HYCC1: variants seen among roughly 807,000 people sequenced by gnomAD.
HYCC1 encodes hyccin.
the HYCC1 span, chr7:22,960,310 A>G: frequency 2.5e-6 from 4 of 1,613,770 alleles, no homozygotes; most frequent in Non-Finnish European, 3.4e-6. Context: ...GCATTTCTTG[A>G]TATTCGAGAG....
chr7:22,946,754 T>C, the HYCC1 span, among the ~76,000 whole-genome samples: 1 of 152,048 alleles, frequency 6.6e-6, no homozygotes, highest in East Asian at 1.9e-4. Flanking sequence ...CAGAAAATTA[T>C]TTTAGAAGGA....
chr7:22,935,557 TAAG>T, the HYCC1 span: 7 of 152,186 alleles, frequency 4.6e-5, no homozygotes, highest in Non-Finnish European at 1.0e-4. Flanking sequence ...CCTGGAGCAG[TAAG>T]AAGCACTGCT....
the HYCC1 span, chr7:22,938,106 T>C: frequency 6.6e-6 from 1 of 152,186 alleles, no homozygotes; most frequent in Non-Finnish European, 1.5e-5. Context: ...TTCCAGGAAA[T>C]CTTTGCCCAG....
chr7:22,934,120 A>T, the HYCC1 span: 2 of 151,690 alleles, frequency 1.3e-5, no homozygotes, highest in Non-Finnish European at 2.9e-5. Flanking sequence ...GGGTTGTGAA[A>T]TAACATTTTT....
chr7:22,964,754 A>G, the HYCC1 span, among the ~76,000 whole-genome samples: 97,174 of 151,952 alleles, frequency 0.64, 31,058 homozygotes, highest in South Asian at 0.69. Context: ...CACAGAGTAA[A>G]TGAACCAGAT....
the HYCC1 span, among the ~76,000 whole-genome samples, chr7:22,925,285 C>G: frequency 6.6e-6 from 1 of 152,196 alleles, no homozygotes; most frequent in Non-Finnish European, 1.5e-5. Flanking sequence ...CTCTCCTCCT[C>G]CAAAGGAACG....
chr7:22,937,114 C>A, the HYCC1 span: 1 of 152,166 alleles, frequency 6.6e-6, no homozygotes, highest in Non-Finnish European at 1.5e-5. Flanking sequence ...CAGAGGGTTT[C>A]ATTTCAAGGG....
chr7:22,932,024 T>C, the HYCC1 span, among the ~76,000 whole-genome samples: 1 of 152,166 alleles, frequency 6.6e-6, no homozygotes, highest in African/African-American at 2.4e-5. Flanking sequence ...CCTATCTAGA[T>C]AGCAAAAGAT....
chr7:22,946,622 T>TA, the HYCC1 span, among the ~76,000 whole-genome samples: 12 of 151,984 alleles, frequency 7.9e-5, no homozygotes, highest in Admixed American at 1.3e-4. Flanking sequence ...TTTATCAAAT[T>TA]AAAAAAATCT....
chr7:22,960,464 A>C, the HYCC1 span: 6 of 1,437,296 alleles, frequency 4.2e-6, no homozygotes, highest in African/African-American at 8.4e-5. Flanking sequence ...GATAGAGCAG[A>C]TATATTATCT....
At chr7:22,946,304 G>A in the HYCC1 span, 7 of 674,224 alleles carry the variant, frequency 1.0e-5, no homozygotes, top group South Asian at 6.2e-5. Context: ...GAAAATCAAA[G>A]GATAAATCAA....
the HYCC1 span, among the ~76,000 whole-genome samples, chr7:22,954,992 A>G: frequency 1.3e-5 from 2 of 151,524 alleles, no homozygotes; most frequent in Non-Finnish European, 3.0e-5. Context: ...CTATTTTTAT[A>G]TTAACTTGGG....
chr7:23,006,457 T>C, the HYCC1 span, among the ~76,000 whole-genome samples: 6 of 152,044 alleles, frequency 3.9e-5, no homozygotes, highest in Admixed American at 6.5e-5. Flanking sequence ...TTAGTAGAGA[T>C]GGGGTTTCAC....
chr7:23,011,928 T>C, the HYCC1 span, among the ~76,000 whole-genome samples: 1 of 152,188 alleles, frequency 6.6e-6, no homozygotes, highest in East Asian at 1.9e-4. Context: ...TCTCCTACTC[T>C]AAACTCTCCT....
chr7:22,976,343 A>G, the HYCC1 span: 2 of 1,461,850 alleles, frequency 1.4e-6, no homozygotes, highest in Non-Finnish European at 1.9e-6. Flanking sequence ...AAATCTTTAG[A>G]ATTCTAAGAA....
the HYCC1 span, among the ~76,000 whole-genome samples, chr7:22,985,153 G>C: frequency 6.6e-6 from 1 of 152,082 alleles, no homozygotes; most frequent in South Asian, 2.1e-4. Context: ...CATGTCTCAG[G>C]ATATTCCTAA....
chr7:22,992,941 AGAACTGTGGGACCTG>A, the HYCC1 span, among the ~76,000 whole-genome samples: 1 of 152,214 alleles, frequency 6.6e-6, no homozygotes, highest in Non-Finnish European at 1.5e-5. Flanking sequence ...GAAGAACAAC[AGAACTGTGGGACCTG>A]GACTTCCAAC....
the HYCC1 span, among the ~76,000 whole-genome samples, chr7:22,972,303 G>C: frequency 6.6e-6 from 1 of 152,276 alleles, no homozygotes; most frequent in South Asian, 2.1e-4. Flanking sequence ...CAGGTGGTCA[G>C]AAAAATTGAC....
the HYCC1 span, chr7:22,984,170 T>C: frequency 3.1e-6 from 2 of 650,834 alleles, no homozygotes; most frequent in African/African-American, 3.6e-5. Flanking sequence ...TAGGAGTGAC[T>C]AACAGGTATG....
Sources: allele counts gnomAD v4.1 joint callset (sites outside exome capture counted in the v4.1 genomes callset), GRCh38; gene constraint gnomAD v4.1.1; transcripts MANE v1.5; gene names NCBI Gene and HGNC (gene_info 2026-07-23, HGNC 2026-07-21).